SLCO2A1: variants seen among roughly 807,000 people sequenced by gnomAD.
SLCO2A1 encodes the protein matrin F/G 1.
Under a neutral mutation model 71.7 loss-of-function variants are expected in SLCO2A1, and 60 were observed. The ratio of observed to expected loss-of-function variants is 0.84; its 90% CI spans 0.68 to 1.04. The LOEUF (loss-of-function observed/expected upper bound fraction) is 1.04. Among genes scored for constraint, SLCO2A1 ranks in the 50% least tolerant of loss-of-function variants. The probability of loss-of-function intolerance (pLI) is 0.00; values close to 1 mark genes in which losing one functional copy is unlikely to be tolerated. For synonymous variants in SLCO2A1, 308 were observed against 326.7 expected (o/e 0.94, Z 0.62); for missense variants, 745 against 813.4 (o/e 0.92, Z 1.02).
At chr3:133,997,515 T>C (rs1934993870) in intron 1 of SLCO2A1, among the ~76,000 whole-genome samples, 1 of 152,188 alleles carries the variant, frequency 6.6e-6, no homozygotes, top group Admixed American at 6.5e-5. Context: ...CAGGGAAGAA[T>C]ACCATTTGAC....
intron 1 of SLCO2A1, among the ~76,000 whole-genome samples, chr3:133,985,626 C>A (rs1185588114): frequency 1.3e-5 from 2 of 152,152 alleles, no homozygotes. Context: ...CGTTTGATTT[C>A]TCATTTATTG....
intron 6 of SLCO2A1, 107 bp downstream of exon 6, chr3:133,951,101 C>T (rs746551689): frequency 1.1e-5 from 16 of 1,458,824 alleles, no homozygotes; most frequent in Non-Finnish European, 1.4e-5. Flanking sequence ...TAGATTTCAC[C>T]CTGAATTTGC....
In SLCO2A1 at chr3:133,979,480, C is replaced by T. The variant is rs149946676; in HGVS notation, c.234+1G>A. ...CTGATGGACCAGAACCTCCTGCTCA[C>T]CTCATTCAAGCTGGAAATGAGACCC... is the stretch of plus-strand genomic sequence containing the variant. On this transcript the variant is annotated splice_donor_variant, in intron 2 of 13. Coordinates refer to ENST00000310926, the MANE Select transcript of SLCO2A1 (RefSeq NM_005630.3). LOFTEE classifies it high-confidence loss of function. 3.8e-5 allele frequency: 61 copies of T among 1,614,212 alleles called. No homozygotes were observed. In the African/African-American group the frequency reaches 7.2e-4, roughly 19 times the overall value.
intron 1 of SLCO2A1, among the ~76,000 whole-genome samples, chr3:133,983,599 G>C (rs1374868450): frequency 6.6e-6 from 1 of 152,216 alleles, no homozygotes; most frequent in Non-Finnish European, 1.5e-5. Flanking sequence ...CTATGTCAGT[G>C]CCTTTGCTCA....
At chr3:133,991,256 C>G (rs1934837901) in intron 1 of SLCO2A1, among the ~76,000 whole-genome samples, 1 of 152,180 alleles carries the variant, frequency 6.6e-6, no homozygotes, top group Admixed American at 6.5e-5. Context: ...TGTCCCCAAC[C>G]CCTAAAATGA....
chr3:133,943,913 G>C (rs1933496452), intron 10 of SLCO2A1, among the ~76,000 whole-genome samples: 1 of 152,184 alleles, frequency 6.6e-6, no homozygotes, highest in African/African-American at 2.4e-5. Flanking sequence ...CCTCCATATG[G>C]GCTTAAGGGA....
chr3:133,947,496 T>C (rs1394948394), intron 8 of SLCO2A1, 51 bp from the exon 9 acceptor site: 1 of 1,493,822 alleles, frequency 6.7e-7, no homozygotes, highest in South Asian at 1.3e-5. Context: ...TGGGACTGCA[T>C]GTGGGCTACA....
At chr3:133,970,795 C>T (rs1934304943) in intron 3 of SLCO2A1, among the ~76,000 whole-genome samples, 1 of 152,082 alleles carries the variant, frequency 6.6e-6, no homozygotes, top group African/African-American at 2.4e-5. Context: ...ACAAAACAGC[C>T]CACTCTTCTG....
intron 3 of SLCO2A1, among the ~76,000 whole-genome samples, chr3:133,959,138 GA>G (rs1345472749): frequency 4.6e-5 from 7 of 152,192 alleles, no homozygotes; most frequent in Non-Finnish European, 8.8e-5. Context: ...GGGAAAAGGA[GA>G]ACGCGGAGTC....
In SLCO2A1 at chr3:133,934,734, C is replaced by G. The variant is rs1167971644; in HGVS notation, c.1911G>C (p.Gln637His). ...RVKKNKEYNV[Q>H]KAAGLI ...GGGGTCAGATGAGGCCTGCCGCCTT[C>G]TGCACGTTGTACTCCTTGTTCTTCT... is the stretch of plus-strand genomic sequence containing the variant. The change falls in exon 14 of 14, where the codon CAG (glutamine) becomes CAC (histidine). Residue 637 changes from glutamine to histidine, a missense_variant. By Grantham distance (24) the Gln-to-His change is conservative (BLOSUM62 0). Coordinates refer to ENST00000310926, the MANE Select transcript of SLCO2A1 (RefSeq NM_005630.3). The G allele has an allele frequency of 1.2e-6, 2 of 1,613,542 alleles. No homozygotes were observed. The highest frequency in any genetic ancestry group is 1.7e-6 in the Non-Finnish European group (2 of 1,179,966).
At chr3:134,008,904 C>T (rs148545317) in intron 1 of SLCO2A1, among the ~76,000 whole-genome samples, 1 of 152,200 alleles carries the variant, frequency 6.6e-6, no homozygotes, top group Non-Finnish European at 1.5e-5. Context: ...TCAACTGTGA[C>T]AACAGATGGA....
chr3:133,963,747 G>A (rs1270752858), intron 3 of SLCO2A1, among the ~76,000 whole-genome samples: 1 of 152,200 alleles, frequency 6.6e-6, no homozygotes, highest in Non-Finnish European at 1.5e-5. Context: ...CTGGAATCAT[G>A]GCCAAGGTGC....
intron 5 of SLCO2A1, among the ~76,000 whole-genome samples, chr3:133,952,728 C>T (rs1422027244): frequency 6.6e-6 from 1 of 152,230 alleles, no homozygotes; most frequent in African/African-American, 2.4e-5. Flanking sequence ...TCTTAATATA[C>T]ATTAGGCTTG....
intron 1 of SLCO2A1, among the ~76,000 whole-genome samples, chr3:134,025,816 C>G (rs1407723045): frequency 6.6e-6 from 1 of 152,178 alleles, no homozygotes; most frequent in East Asian, 1.9e-4. Context: ...ATCAATGGGG[C>G]TGGACTGGAT....
intron 1 of SLCO2A1, among the ~76,000 whole-genome samples, chr3:133,982,805 A>AG (rs775508886): frequency 7.2e-5 from 11 of 151,874 alleles, no homozygotes; most frequent in Non-Finnish European, 1.2e-4. Flanking sequence ...ACACCACCCC[A>AG]GGGGGAGCTT....
intron 1 of SLCO2A1, among the ~76,000 whole-genome samples, chr3:134,020,428 C>T (rs544353524): frequency 4.5e-4 from 69 of 152,302 alleles, no homozygotes; most frequent in Non-Finnish European, 7.1e-4. Context: ...AACATCTCGG[C>T]GGGGGACTCC....
At chr3:133,935,382 A>C (rs1271642570) in intron 13 of SLCO2A1, among the ~76,000 whole-genome samples, 1 of 152,154 alleles carries the variant, frequency 6.6e-6, no homozygotes, top group African/African-American at 2.4e-5. Flanking sequence ...CTCTGCCAGG[A>C]GCCATGATGT....
intron 13 of SLCO2A1, 147 bp downstream of exon 13, chr3:133,935,627 C>A: frequency 1.1e-6 from 1 of 878,848 alleles, no homozygotes; most frequent in Non-Finnish European, 1.6e-6. Flanking sequence ...CCCCTGCTCC[C>A]TGTCCATGGC....
chr3:133,948,476 G>C, intron 8 of SLCO2A1, 60 bp downstream of exon 8: 2 of 1,556,098 alleles, frequency 1.3e-6, no homozygotes, highest in Non-Finnish European at 1.7e-6. Flanking sequence ...TGGGTGGCTG[G>C]AGTGCCTGCC....
Sources: gnomAD v4.1 joint callset for allele counts (sites outside exome capture counted in the v4.1 genomes callset) on GRCh38, gnomAD v4.1.1 for gene constraint, MANE v1.5 for transcripts, NCBI Gene and HGNC (gene_info 2026-07-23, HGNC 2026-07-21) for gene names.